The following SNX29 variants were observed in gnomAD, a reference collection of about 807,000 sequenced individuals.
SNX29 encodes the protein sorting nexin 29, also known as sorting nexin-29.
Under a neutral mutation model 102.1 loss-of-function variants are expected in SNX29, and 78 were observed. The observed-to-expected ratio is 0.76, with a 90% CI of 0.64 to 0.92. SNX29 has a LOEUF of 0.92. SNX29 is among the 40% of genes least tolerant of loss of function. The pLI, the probability that SNX29 is intolerant of heterozygous loss-of-function variation, is 0.00. For synonymous variants in SNX29, 580 were observed against 414.5 expected (o/e 1.40, Z -4.85); for missense variants, 1,280 against 1,061.7 (o/e 1.21, Z -2.86).
chr16:12,041,937 T>C (rs1168209305), intron 4 of SNX29, among the ~76,000 whole-genome samples: 1 of 152,228 alleles, frequency 6.6e-6, no homozygotes, highest in Non-Finnish European at 1.5e-5. Context: ...GACTGAAAAC[T>C]CTTGAAAATG....
chr16:12,062,669 G>A (rs1012936473), intron 9 of SNX29, among the ~76,000 whole-genome samples: 1 of 152,074 alleles, frequency 6.6e-6, no homozygotes, highest in Non-Finnish European at 1.5e-5. Context: ...GCGCCTCCTC[G>A]TTTTCTTAGG....
chr16:12,472,740 G>C (rs547369665), intron 18 of SNX29, among the ~76,000 whole-genome samples: 11 of 152,074 alleles, frequency 7.2e-5, no homozygotes, highest in Admixed American at 2.0e-4. Flanking sequence ...TTCATTGACG[G>C]ACTGAGGTTT....
chr16:12,183,626 A>G (rs1272966846), intron 13 of SNX29, among the ~76,000 whole-genome samples: 1 of 152,194 alleles, frequency 6.6e-6, no homozygotes, highest in African/African-American at 2.4e-5. Flanking sequence ...ATTACCCCAT[A>G]GGAATGTCAG....
At chr16:12,557,602 C>G (rs1040630328) in intron 20 of SNX29, 1 of 152,162 alleles carries the variant, frequency 6.6e-6, no homozygotes, top group Non-Finnish European at 1.5e-5. Flanking sequence ...CCTCAAATGA[C>G]CCATTCTCCT....
intron 13 of SNX29, among the ~76,000 whole-genome samples, chr16:12,171,998 C>G (rs2076159931): frequency 6.6e-6 from 1 of 152,186 alleles, no homozygotes; most frequent in South Asian, 2.1e-4. Context: ...CAGCAGACAT[C>G]CCCGCTGCTG....
At chr16:12,310,439 A>T (rs1471057128) in intron 15 of SNX29, among the ~76,000 whole-genome samples, 1 of 152,168 alleles carries the variant, frequency 6.6e-6, no homozygotes, top group East Asian at 1.9e-4. Flanking sequence ...GAAAAGATAC[A>T]CAAGTTGTGT....
chr16:12,149,259 T>C (rs1195996879), intron 13 of SNX29, among the ~76,000 whole-genome samples: 1 of 152,210 alleles, frequency 6.6e-6, no homozygotes, highest in African/African-American at 2.4e-5. Context: ...GGGGAGAAAG[T>C]GTGTGCCAAC....
chr16:12,171,278 G>C (rs966593001), intron 13 of SNX29, among the ~76,000 whole-genome samples: 6 of 152,092 alleles, frequency 3.9e-5, no homozygotes, highest in South Asian at 4.2e-4. Context: ...CCCAGGTCTG[G>C]GGTCTGCCGT....
chr16:12,048,847 C>G (rs934944831), intron 7 of SNX29, among the ~76,000 whole-genome samples: 2 of 152,148 alleles, frequency 1.3e-5, no homozygotes, highest in Non-Finnish European at 2.9e-5. Flanking sequence ...TCAACCATAG[C>G]AAACGGAAAG....
At chr16:12,083,138 C>G (rs1403313970) in intron 11 of SNX29, among the ~76,000 whole-genome samples, 2 of 151,964 alleles carry the variant, frequency 1.3e-5, no homozygotes, top group African/African-American at 4.8e-5. Context: ...AACCCTGTCT[C>G]TACTAAAAAT....
intron 15 of SNX29, among the ~76,000 whole-genome samples, chr16:12,351,365 G>A (rs1437379597): frequency 1.3e-5 from 2 of 149,662 alleles, no homozygotes; most frequent in Non-Finnish European, 1.5e-5. Context: ...TTTATAAAAC[G>A]TAACAGATTC....
rs8059117 is a variant in SNX29 at position 12,128,208 on chromosome 16, G to A, written c.1467-1422G>A. On this transcript the variant is annotated intron_variant, in intron 12 of 20. Coordinates refer to ENST00000566228, the MANE Select transcript of SNX29 (RefSeq NM_032167.5). ...CGCCATTGAGGGATTCTTTGTCCATGCTCCAGCTGGGGCTGTTATCTTGGA... is the reference window on the plus strand; with the variant it reads ...CGCCATTGAGGGATTCTTTGTCCATACTCCAGCTGGGGCTGTTATCTTGGA... 2.5e-3 allele frequency among the ~76,000 whole-genome samples: 375 copies of A among 152,308 alleles called. 1 individual carries two copies. The highest frequency in any genetic ancestry group is 8.8e-3 in the African/African-American group (366 of 41,572).
chr16:12,224,005 C>T (rs532845836), intron 14 of SNX29, among the ~76,000 whole-genome samples: 1 of 152,304 alleles, frequency 6.6e-6, no homozygotes, highest in Non-Finnish European at 1.5e-5. Context: ...CAGGTGGATG[C>T]CCAGGTCTCC....
At chr16:12,515,141 AC>A (rs2089808382) in intron 19 of SNX29, among the ~76,000 whole-genome samples, 1 of 151,996 alleles carries the variant, frequency 6.6e-6, no homozygotes, top group South Asian at 2.1e-4. Context: ...GGGCTCCCTA[AC>A]CCCCATTCAG....
At chr16:12,221,849 C>T (rs984474732) in intron 14 of SNX29, among the ~76,000 whole-genome samples, 2 of 152,152 alleles carry the variant, frequency 1.3e-5, no homozygotes, top group African/African-American at 2.4e-5. Context: ...CGCATGATCC[C>T]GTGCTTCCTT....
In SNX29 at chr16:12,569,116, G is replaced by GC. The variant is rs2056930908; in HGVS notation, c.*488dup. 2.4e-5 allele frequency: 1 copy of GC among 40,932 alleles called. No individual in the cohort carries two copies. The highest frequency in any genetic ancestry group is 6.2e-5 in the Non-Finnish European group (1 of 16,064). The allele number at this position is 40,932 out of a possible 1,614,324, so 2.5% of individuals were successfully genotyped here. A position where few individuals can be genotyped will look rare whatever the true frequency, so the allele number is the denominator to read the frequency against. On this transcript the variant is annotated 3_prime_UTR_variant, in exon 21 of 21. Coordinates refer to ENST00000566228, the MANE Select transcript of SNX29 (RefSeq NM_032167.5). Reference sequence around the variant, plus strand: ...ACCTGGCCTAACCTAGGGATGGCTGGCTTTGCGGGGGGGGGGGGGGGGGGG... The same window carrying GC: ...ACCTGGCCTAACCTAGGGATGGCTGGCCTTTGCGGGGGGGGGGGGGGGGGGG...
chr16:12,127,895 G>C (rs1053546884), intron 12 of SNX29, among the ~76,000 whole-genome samples: 1 of 152,132 alleles, frequency 6.6e-6, no homozygotes, highest in Non-Finnish European at 1.5e-5. Context: ...CTTACCTGCA[G>C]TTACCCCCTG....
At chr16:12,201,929 A>C (rs945319749) in intron 14 of SNX29, among the ~76,000 whole-genome samples, 2 of 152,144 alleles carry the variant, frequency 1.3e-5, no homozygotes, top group African/African-American at 2.4e-5. Flanking sequence ...CATTCTCCCC[A>C]AATGGGCCTA....
At chr16:12,076,462 G>A (rs943980344) in intron 10 of SNX29, among the ~76,000 whole-genome samples, 1 of 152,028 alleles carries the variant, frequency 6.6e-6, no homozygotes, top group Non-Finnish European at 1.5e-5. Flanking sequence ...CACCATGCCC[G>A]GCTAATTTTT....
Sources: gnomAD v4.1 joint callset for allele counts (sites outside exome capture counted in the v4.1 genomes callset) on GRCh38, gnomAD v4.1.1 for gene constraint, MANE v1.5 for transcripts, NCBI Gene and HGNC (gene_info 2026-07-23, HGNC 2026-07-21) for gene names.